The following STK39 variants were observed in gnomAD, a reference collection of about 807,000 sequenced individuals.
STK39 encodes the protein STE20/SPS1-related proline-alanine-rich protein kinase.
A neutral mutation model predicts 77.8 loss-of-function variants in STK39; 20 were observed. The observed-to-expected ratio is 0.26, with a 90% CI of 0.18 to 0.37. The LOEUF (loss-of-function observed/expected upper bound fraction) is 0.37. Among genes scored for constraint, STK39 ranks in the 10% least tolerant of loss-of-function variants. STK39 has a pLI of 1.00. For missense variants in STK39, 479 were observed against 656.5 expected (o/e 0.73, Z 2.95); for synonymous variants, 246 against 234.1 (o/e 1.05, Z -0.47).
In STK39 at chr2:168,016,976, C is replaced by T. The variant is rs372693786; in HGVS notation, c.1429+67G>A. 1.4e-5 allele frequency: 18 copies of T among 1,275,292 alleles called. No homozygotes were observed. In the African/African-American group the frequency reaches 2.2e-4, roughly 16 times the overall value. 79.0% of individuals were successfully genotyped at this position (1,275,292 alleles called of 1,614,324 possible). A position where few individuals can be genotyped will look rare whatever the true frequency, so the allele number is the denominator to read the frequency against. On this transcript the variant is annotated intron_variant, in intron 15 of 17. Coordinates refer to ENST00000355999, the MANE Select transcript of STK39 (RefSeq NM_013233.3). ...AGTTTTAAATAGCAGATTATAACCACATGCTTGTAATCAATTTCTGCAATG... is the reference window on the plus strand; with the variant it reads ...AGTTTTAAATAGCAGATTATAACCATATGCTTGTAATCAATTTCTGCAATG...
intron 16 of STK39, among the ~76,000 whole-genome samples, chr2:168,011,472 C>T (rs1400500596): frequency 6.6e-6 from 1 of 151,992 alleles, no homozygotes; most frequent in Non-Finnish European, 1.5e-5. Flanking sequence ...TATGAATATG[C>T]TAACTAATCT....
intron 10 of STK39, among the ~76,000 whole-genome samples, chr2:168,091,942 A>G (rs578145794): frequency 5.3e-5 from 8 of 152,234 alleles, no homozygotes; most frequent in African/African-American, 1.2e-4. Context: ...AAAATCACCA[A>G]TAATTCCTTA....
intron 1 of STK39, among the ~76,000 whole-genome samples, chr2:168,197,796 G>A (rs1004972293): frequency 6.6e-6 from 1 of 152,100 alleles, no homozygotes; most frequent in Non-Finnish European, 1.5e-5. Flanking sequence ...AGCACTTTGG[G>A]AGGCTGAGGT....
intron 10 of STK39, 130 bp downstream of exon 10, chr2:168,129,411 T>A: frequency 1.0e-6 from 1 of 969,936 alleles, no homozygotes; most frequent in Non-Finnish European, 1.6e-6. Flanking sequence ...GTTATCTGAG[T>A]AATCACTAAT....
At chr2:168,057,570 G>GCA (rs772968206) in intron 14 of STK39, among the ~76,000 whole-genome samples, 3 of 151,770 alleles carry the variant, frequency 2.0e-5, no homozygotes, top group South Asian at 2.1e-4. Flanking sequence ...GCATGCACGC[G>GCA]CACACACACA....
chr2:168,189,410 C>CT (rs1689283302), intron 1 of STK39, among the ~76,000 whole-genome samples: 1 of 94,760 alleles, frequency 1.1e-5, no homozygotes, highest in Non-Finnish European at 2.4e-5. Flanking sequence ...CAAGCAACAA[C>CT]TAAAAAAAAA....
chr2:168,223,750 A>G (rs2105723456), intron 1 of STK39, among the ~76,000 whole-genome samples: 1 of 152,180 alleles, frequency 6.6e-6, no homozygotes, highest in African/African-American at 2.4e-5. Flanking sequence ...CCTCGCAGGA[A>G]TGAGGAACGG....
chr2:168,086,287 A>G (rs1198462963), intron 10 of STK39, among the ~76,000 whole-genome samples: 1 of 152,132 alleles, frequency 6.6e-6, no homozygotes, highest in Non-Finnish European at 1.5e-5. Context: ...AATTGTGTAT[A>G]CTCCAGGCCT....
chr2:168,140,763 A>G lies in STK39; in HGVS notation c.629-5T>C. The G allele has an allele frequency of 1.3e-6, 2 of 1,571,296 alleles. No individual in the cohort carries two copies. The highest frequency in any genetic ancestry group is 2.0e-5 in the Admixed American group (1 of 50,408). On this transcript the variant is annotated splice_polypyrimidine_tract_variant and splice_region_variant and intron_variant, in intron 5 of 17. Coordinates refer to ENST00000355999, the MANE Select transcript of STK39 (RefSeq NM_013233.3). Reference sequence around the variant, plus strand: ...GGAACGCACTTACCCCAAAATCTGAAAGGGAAAAAAAAATCACCTTTATTT... The same window carrying G: ...GGAACGCACTTACCCCAAAATCTGAGAGGGAAAAAAAAATCACCTTTATTT...
intron 12 of STK39, among the ~76,000 whole-genome samples, chr2:168,074,021 A>C (rs1474456445): frequency 6.6e-6 from 1 of 152,180 alleles, no homozygotes; most frequent in Non-Finnish European, 1.5e-5. Context: ...GGCAAGCTGA[A>C]AAATGCCTAG....
chr2:168,096,270 G>C (rs776251865), intron 10 of STK39, among the ~76,000 whole-genome samples: 1 of 152,128 alleles, frequency 6.6e-6, no homozygotes, highest in Non-Finnish European at 1.5e-5. Flanking sequence ...CTGGGTGACA[G>C]TACAGCACAG....
chr2:167,974,774 A>G (rs1683230387), intron 16 of STK39, among the ~76,000 whole-genome samples: 1 of 152,184 alleles, frequency 6.6e-6, no homozygotes, highest in African/African-American at 2.4e-5. Flanking sequence ...AGGTTCACAA[A>G]AGGATGGAAA....
intron 1 of STK39, among the ~76,000 whole-genome samples, chr2:168,210,030 AAAGGAAGG>A (rs764085860): frequency 0.055 from 6,093 of 110,032 alleles, 257 homozygotes; most frequent in Admixed American, 0.083. Flanking sequence ...GAAAGGAAAG[AAAGGAAGG>A]AAGGAAGGAA....
At chr2:167,989,291 G>A (rs1466665469) in intron 16 of STK39, among the ~76,000 whole-genome samples, 1 of 152,086 alleles carries the variant, frequency 6.6e-6, no homozygotes, top group African/African-American at 2.4e-5. Context: ...GTGAATGGGG[G>A]ACTACACATG....
intron 13 of STK39, 82 bp from the exon 14 acceptor site, chr2:168,063,652 T>C (rs1343874577): frequency 1.0e-5 from 13 of 1,301,660 alleles, no homozygotes; most frequent in Non-Finnish European, 1.4e-5. Context: ...TTGATTCATA[T>C]AGCCATTTCT....
chr2:168,047,746 T>A (rs1204581975), intron 14 of STK39, among the ~76,000 whole-genome samples: 1 of 152,186 alleles, frequency 6.6e-6, no homozygotes, highest in African/African-American at 2.4e-5. Context: ...AGAAAGGTGG[T>A]TTGCTTTCTT....
chr2:167,995,187 G>A (rs1477249725), intron 16 of STK39, among the ~76,000 whole-genome samples: 1 of 151,818 alleles, frequency 6.6e-6, no homozygotes, highest in Non-Finnish European at 1.5e-5. Context: ...TTGTCTCACT[G>A]CAACCTCTGC....
At chr2:168,155,001 AAATTT>A (rs56740973) in intron 5 of STK39, among the ~76,000 whole-genome samples, 28,266 of 151,986 alleles carry the variant, frequency 0.19, 3,572 homozygotes, top group African/African-American at 0.35. Flanking sequence ...GTAATATGTG[AAATTT>A]AATTTAATAA....
chr2:168,044,918 AG>A (rs1198112898), intron 14 of STK39, among the ~76,000 whole-genome samples: 2 of 152,228 alleles, frequency 1.3e-5, no homozygotes, highest in African/African-American at 4.8e-5. Flanking sequence ...TTCTCCTTTC[AG>A]GTAAGTACAG....
Sources: allele counts gnomAD v4.1 joint callset (sites outside exome capture counted in the v4.1 genomes callset), GRCh38; gene constraint gnomAD v4.1.1; transcripts MANE v1.5; gene names NCBI Gene and HGNC (gene_info 2026-07-23, HGNC 2026-07-21).